The following RALGPS1 variants were observed in gnomAD, a reference collection of about 807,000 sequenced individuals.
RALGPS1 encodes the protein ras-specific guanine nucleotide-releasing factor RalGPS1.
In RALGPS1, 19 loss-of-function variants were observed where a neutral mutation model predicts 78.8. The observed-to-expected ratio is 0.24, with a 90% CI of 0.17 to 0.35. The LOEUF is 0.35. Ranked by LOEUF, RALGPS1 falls within the 10% of genes least tolerant of loss-of-function variation. The probability of loss-of-function intolerance (pLI) is 1.00; values close to 1 mark genes in which losing one functional copy is unlikely to be tolerated. For missense variants in RALGPS1, 454 were observed against 688.3 expected (o/e 0.66, Z 3.81); for synonymous variants, 228 against 256.3 (o/e 0.89, Z 1.06).
chr9:126,940,478 T>C (rs593193), intron 1 of RALGPS1, among the ~76,000 whole-genome samples: 92,844 of 144,590 alleles, frequency 0.64, 31,483 homozygotes, highest in East Asian at 0.81. Flanking sequence ...CTCGCTCTGT[T>C]GCCTAGGCTG....
intron 8 of RALGPS1, among the ~76,000 whole-genome samples, chr9:127,156,156 A>G (rs999779280): frequency 6.6e-6 from 1 of 152,212 alleles, no homozygotes; most frequent in Non-Finnish European, 1.5e-5. Flanking sequence ...CAATAGCTGC[A>G]TGATGTTCCG....
At chr9:127,029,518 C>T (rs2046240408) in intron 4 of RALGPS1, among the ~76,000 whole-genome samples, 1 of 152,154 alleles carries the variant, frequency 6.6e-6, no homozygotes, top group East Asian at 1.9e-4. Context: ...AGCCATTGAG[C>T]ACAGTGGTGA....
intron 4 of RALGPS1, chr9:126,990,048 G>T: frequency 1.3e-6 from 2 of 1,543,880 alleles, no homozygotes; most frequent in Non-Finnish European, 1.7e-6. Context: ...CTCTGAAGAA[G>T]CGGGCGTTCC....
At chr9:127,112,277 C>G (rs1030112270) in intron 8 of RALGPS1, among the ~76,000 whole-genome samples, 2 of 152,314 alleles carry the variant, frequency 1.3e-5, no homozygotes, top group East Asian at 1.9e-4. Context: ...TCGTTTCCAA[C>G]GGTGCTTTGG....
chr9:127,150,297 G>C lies in RALGPS1; in HGVS notation c.611-15772G>C, dbSNP rs1109041. On this transcript the variant is annotated intron_variant, in intron 8 of 18. Coordinates refer to ENST00000259351, the MANE Select transcript of RALGPS1 (RefSeq NM_014636.3). ...GAGCCCCACCTCTCCCAGTGCCCCT[G>C]TTTGTGGGCTCGGGGTCACCAGGGG... Among the ~76,000 whole-genome samples, 53 of 152,344 alleles carry C rather than the reference G, an allele frequency of 3.5e-4. 1 individual carries two copies. The highest frequency in any genetic ancestry group is 2.9e-3 in the Admixed American group (45 of 15,310).
intron 3 of RALGPS1, among the ~76,000 whole-genome samples, chr9:126,975,988 G>A (rs1280012632): frequency 1.3e-5 from 2 of 152,166 alleles, no homozygotes; most frequent in Non-Finnish European, 2.9e-5. Context: ...CCAGCTGCAT[G>A]TTTTCCTCTC....
chr9:127,162,341 G>A (rs977365839), intron 8 of RALGPS1, among the ~76,000 whole-genome samples: 3 of 152,194 alleles, frequency 2.0e-5, no homozygotes, highest in Non-Finnish European at 4.4e-5. Context: ...CACTGTGCCT[G>A]ACATGGTACA....
intron 8 of RALGPS1, among the ~76,000 whole-genome samples, chr9:127,124,852 C>A (rs1356990249): frequency 2.0e-5 from 3 of 152,144 alleles, no homozygotes; most frequent in Admixed American, 6.5e-5. Flanking sequence ...ACAAAGTGTC[C>A]TAGGACTTTC....
intron 1 of RALGPS1, among the ~76,000 whole-genome samples, chr9:126,958,158 TAC>T (rs60776038): frequency 0.043 from 5,225 of 120,694 alleles, 274 homozygotes; most frequent in Non-Finnish European, 0.066. Context: ...TATATATATA[TAC>T]ACACACACAC....
intron 11 of RALGPS1, chr9:127,184,335 A>G (rs2060495694): frequency 2.9e-6 from 1 of 347,230 alleles, no homozygotes. Flanking sequence ...AAAAAAAAAA[A>G]AGGAAATGAA....
At chr9:127,213,403 G>A (rs1209947650) in intron 17 of RALGPS1, among the ~76,000 whole-genome samples, 1 of 152,326 alleles carries the variant, frequency 6.6e-6, no homozygotes, top group African/African-American at 2.4e-5. Context: ...GAGATTTCAG[G>A]GATCCCCTCA....
At chr9:126,988,723 G>T (rs1377437965) in intron 4 of RALGPS1, among the ~76,000 whole-genome samples, 3 of 152,226 alleles carry the variant, frequency 2.0e-5, no homozygotes, top group Non-Finnish European at 4.4e-5. Flanking sequence ...CTGGAGAGAA[G>T]GGCAGGGCCT....
At chr9:127,210,800 CATTT>C (rs2130892565) in intron 14 of RALGPS1, 2 of 1,534,060 alleles carry the variant, frequency 1.3e-6, no homozygotes, top group East Asian at 4.9e-5. Context: ...TTCATGTGTT[CATTT>C]GTTTGACACA....
chr9:126,932,062 A>G (rs989259126), intron 1 of RALGPS1, among the ~76,000 whole-genome samples: 3 of 152,040 alleles, frequency 2.0e-5, no homozygotes, highest in Non-Finnish European at 2.9e-5. Flanking sequence ...CATGGTGGAA[A>G]CCTTAGCATA....
intron 1 of RALGPS1, among the ~76,000 whole-genome samples, chr9:126,956,673 A>T (rs1392631061): frequency 1.3e-5 from 2 of 152,156 alleles, no homozygotes; most frequent in Non-Finnish European, 2.9e-5. Flanking sequence ...CCTGGAACCC[A>T]CTGCTGATGA....
intron 5 of RALGPS1, among the ~76,000 whole-genome samples, chr9:127,046,576 C>G (rs1193845246): frequency 1.3e-5 from 2 of 150,624 alleles, no homozygotes; most frequent in Non-Finnish European, 2.9e-5. Context: ...CAATATATGA[C>G]TCACAACATG....
chr9:127,141,855 T>C (rs917722094), intron 8 of RALGPS1, among the ~76,000 whole-genome samples: 1 of 152,224 alleles, frequency 6.6e-6, no homozygotes, highest in African/African-American at 2.4e-5. Context: ...TTATTGCATG[T>C]TTTACTTTAT....
intron 8 of RALGPS1, among the ~76,000 whole-genome samples, chr9:127,112,660 T>G (rs917871512): frequency 6.6e-6 from 1 of 152,242 alleles, no homozygotes; most frequent in Non-Finnish European, 1.5e-5. Context: ...TGAAATGGGA[T>G]GATCCAACCC....
intron 11 of RALGPS1, chr9:127,178,058 T>C (rs1317371056): frequency 2.1e-6 from 3 of 1,447,422 alleles, no homozygotes; most frequent in African/African-American, 2.8e-5. Flanking sequence ...CTGGGGAGGG[T>C]GGAGCCCTAG....
Sources: gnomAD v4.1 joint callset for allele counts (sites outside exome capture counted in the v4.1 genomes callset) on GRCh38, gnomAD v4.1.1 for gene constraint, MANE v1.5 for transcripts, NCBI Gene and HGNC (gene_info 2026-07-23, HGNC 2026-07-21) for gene names.